Variants in OR2B11 observed in about 807,000 individuals in gnomAD.
OR2B11 encodes the protein olfactory receptor 2B11.
For missense variants in OR2B11, 422 were observed against 400.0 expected (o/e 1.05, Z -0.47); for synonymous variants, 198 against 174.5 (o/e 1.13, Z -1.06).
In OR2B11 at chr1:247,451,907, A is replaced by G; in HGVS notation, c.76T>C (p.Trp26Arg). 2 of 1,614,114 alleles carry G rather than the reference A, an allele frequency of 1.2e-6. No individual in the cohort carries two copies. Among genetic ancestry groups the G allele is most frequent in the South Asian group, 1.1e-5 (1 of 91,084 alleles). Reference protein sequence around the residue: ...FILLGVSDRPWLELPLFVVLL... With the variant: ...FILLGVSDRPRLELPLFVVLL... ...ACCACAAAGAGAGGGAGTTCCAGCC[A>G]CGGCCTGTCAGACACACCCAGAAGG... Residue 26 changes from tryptophan (W) to arginine (R), a missense_variant, in exon 2 of 2, where the codon TGG (tryptophan) becomes CGG (arginine). Trp to Arg is a moderately radical substitution (Grantham distance 101, BLOSUM62 -3). Coordinates refer to ENST00000641149, the MANE Select transcript of OR2B11 (RefSeq NM_001004492.2).
Sources: allele counts gnomAD v4.1 joint callset, GRCh38; gene constraint gnomAD v4.1.1; transcripts MANE v1.5; gene names NCBI Gene and HGNC (gene_info 2026-07-23, HGNC 2026-07-21).